Variants in ANXA3 observed in about 807,000 individuals in gnomAD.
ANXA3 encodes annexin A3, also known as 35-alpha calcimedin.
ANXA3 carries 46 observed loss-of-function variants against 48.8 expected under a neutral mutation model. That is an observed-to-expected ratio of 0.94 (90% CI 0.74 to 1.21). The LOEUF is 1.21. ANXA3 is among the 50% of genes most tolerant of loss of function. ANXA3 has a pLI of 0.00. For synonymous variants in ANXA3, 128 were observed against 134.7 expected (o/e 0.95, Z 0.35); for missense variants, 383 against 378.6 (o/e 1.01, Z -0.10).
At chr4:78,564,189 C>G (rs766516727) in intron 2 of ANXA3, among the ~76,000 whole-genome samples, 1 of 152,188 alleles carries the variant, frequency 6.6e-6, no homozygotes, top group Non-Finnish European at 1.5e-5. Context: ...GGGTTTGCTA[C>G]CTTTGTCAGA....
At chr4:78,587,487 G>A (rs1472112075) in intron 6 of ANXA3, among the ~76,000 whole-genome samples, 1 of 152,216 alleles carries the variant, frequency 6.6e-6, no homozygotes, top group African/African-American at 2.4e-5. Flanking sequence ...TCAGGAATAA[G>A]ACCAGCCCAA....
chr4:78,561,278 A>T (rs1356127180), intron 2 of ANXA3, among the ~76,000 whole-genome samples: 1 of 152,122 alleles, frequency 6.6e-6, no homozygotes, highest in Non-Finnish European at 1.5e-5. Context: ...TGGGAACAAG[A>T]TTGGTGCAGT....
chr4:78,565,681 G>A (rs555611200), intron 2 of ANXA3, among the ~76,000 whole-genome samples: 8 of 152,314 alleles, frequency 5.3e-5, no homozygotes, highest in East Asian at 3.9e-4. Context: ...TGACCTTGGC[G>A]AGTGTCTTAA....
intron 10 of ANXA3, among the ~76,000 whole-genome samples, chr4:78,598,626 G>A (rs537466724): frequency 1.4e-4 from 22 of 151,912 alleles, no homozygotes; most frequent in Middle Eastern, 3.4e-3. Flanking sequence ...TGCAACCTCC[G>A]CCTTCCAGGT....
intron 5 of ANXA3, among the ~76,000 whole-genome samples, chr4:78,585,962 C>G (rs1490240229): frequency 2.0e-5 from 3 of 152,132 alleles, no homozygotes; most frequent in African/African-American, 7.2e-5. Context: ...TAGGGTTAAT[C>G]CTGTTAGACT....
chr4:78,582,176 G>A lies in ANXA3; in HGVS notation c.199-1G>A, dbSNP rs1723085548. The A allele has an allele frequency of 1.3e-6, 2 of 1,592,162 alleles. No individual in the cohort carries two copies. The highest frequency in any genetic ancestry group is 1.1e-5 in the South Asian group (1 of 88,504). ...TTTTCCCCTTGGTTTTTTGATTTTA[G>A]GAGCTGAAAGATGACTTGAAGGGTG... On this transcript the variant is annotated splice_acceptor_variant, in intron 4 of 12. Transcript: ENST00000264908. LOFTEE classifies it high-confidence loss of function.
intron 4 of ANXA3, among the ~76,000 whole-genome samples, chr4:78,580,965 A>C (rs1024548148): frequency 6.6e-6 from 1 of 152,248 alleles, no homozygotes; most frequent in Admixed American, 6.5e-5. Flanking sequence ...TATGGAAGAA[A>C]GATGGAGGTG....
chr4:78,553,939 T>A (rs947755138), intron 1 of ANXA3: 3 of 153,304 alleles, frequency 2.0e-5, no homozygotes, highest in African/African-American at 4.8e-5. Flanking sequence ...AGAGCAGATG[T>A]GTCTTTATAA....
At position 78,597,353 on chromosome 4, in the gene ANXA3, C is replaced by A; in HGVS notation, c.669C>A (p.Asp223Glu). 4 of 1,610,474 alleles carry A rather than the reference C, an allele frequency of 2.5e-6. No individual in the cohort carries two copies. The highest frequency in any genetic ancestry group is 3.4e-6 in the Non-Finnish European group (4 of 1,178,774). ...AATACAGAAATATCAGCCAAAAGGA[C>A]ATTGTGGACAGCATAAAAGGAGAAT... is the stretch of plus-strand genomic sequence containing the variant. ...FDEYRNISQKDIVDSIKGELS... is the reference protein window; with the variant it reads ...FDEYRNISQKEIVDSIKGELS... Residue 223 changes from aspartate (D) to glutamate (E), a missense_variant, in exon 10 of 13, where the codon GAC (aspartate) becomes GAA (glutamate). Transcript: ENST00000264908.
At chr4:78,575,104 T>C (rs1722919653) in intron 3 of ANXA3, among the ~76,000 whole-genome samples, 1 of 152,218 alleles carries the variant, frequency 6.6e-6, no homozygotes, top group South Asian at 2.1e-4. Context: ...TTCCTGTCTC[T>C]ACTCCAATGA....
At chr4:78,585,484 C>T (rs1270243176) in intron 5 of ANXA3, among the ~76,000 whole-genome samples, 4 of 152,198 alleles carry the variant, frequency 2.6e-5, no homozygotes, top group Admixed American at 2.6e-4. Context: ...GGTACTTCTG[C>T]ATATATCCCA....
chr4:78,599,671 G>A (rs985559068), intron 10 of ANXA3, among the ~76,000 whole-genome samples: 2 of 152,052 alleles, frequency 1.3e-5, no homozygotes, highest in African/African-American at 2.4e-5. Context: ...CATAGTGAGA[G>A]CAGCATTCTG....
intron 3 of ANXA3, among the ~76,000 whole-genome samples, chr4:78,574,319 C>T (rs1370438031): frequency 1.3e-5 from 2 of 152,084 alleles, no homozygotes; most frequent in Admixed American, 1.3e-4. Flanking sequence ...ACTTGGGAGG[C>T]TGAGGTAGGG....
chr4:78,597,211 G>A (rs1426474715), intron 9 of ANXA3, 108 bp from the exon 10 acceptor site: 2 of 701,834 alleles, frequency 2.8e-6, no homozygotes, highest in Non-Finnish European at 4.8e-6. Flanking sequence ...TAAAGAGGGA[G>A]TTTTTTAGCT....
chr4:78,558,887 T>C (rs1178751934), intron 2 of ANXA3, among the ~76,000 whole-genome samples: 1 of 152,188 alleles, frequency 6.6e-6, no homozygotes, highest in Non-Finnish European at 1.5e-5. Flanking sequence ...CGTGACTTTT[T>C]ATTAAGCTAC....
chr4:78,584,316 G>A (rs1723129204), intron 5 of ANXA3, among the ~76,000 whole-genome samples: 1 of 151,964 alleles, frequency 6.6e-6, no homozygotes. Context: ...GGGACTGCAG[G>A]CACACACCAC....
intron 3 of ANXA3, among the ~76,000 whole-genome samples, chr4:78,577,052 T>G (rs1341472055): frequency 2.0e-5 from 3 of 152,162 alleles, no homozygotes. Flanking sequence ...GGGCTTAAAC[T>G]TCATCCTGAA....
intron 2 of ANXA3, among the ~76,000 whole-genome samples, chr4:78,570,086 C>T (rs1472830288): frequency 1.3e-5 from 2 of 152,304 alleles, no homozygotes; most frequent in East Asian, 1.9e-4. Flanking sequence ...ATGAATAATG[C>T]CATTCGTTTA....
chr4:78,588,802 C>T (rs1560447791), intron 6 of ANXA3, among the ~76,000 whole-genome samples: 1 of 152,200 alleles, frequency 6.6e-6, no homozygotes, highest in Non-Finnish European at 1.5e-5. Context: ...CTCTACTCCC[C>T]AGTACTGGTG....
Sources: allele counts gnomAD v4.1 joint callset (sites outside exome capture counted in the v4.1 genomes callset), GRCh38; gene constraint gnomAD v4.1.1; transcripts MANE v1.5; gene names NCBI Gene and HGNC (gene_info 2026-07-23, HGNC 2026-07-21).